PAK1: variants seen among roughly 807,000 people sequenced by gnomAD.
PAK1 encodes the protein serine/threonine-protein kinase PAK 1.
PAK1 carries 29 observed loss-of-function variants against 67.4 expected under a neutral mutation model. The ratio of observed to expected loss-of-function variants is 0.43; its 90% CI spans 0.32 to 0.59. The LOEUF (loss-of-function observed/expected upper bound fraction) is 0.59, where lower values mean the gene tolerates loss of function less well. PAK1 is among the 20% of genes least tolerant of loss of function. The probability of loss-of-function intolerance (pLI) is 0.07; values close to 1 mark genes in which losing one functional copy is unlikely to be tolerated. For synonymous variants in PAK1, 223 were observed against 237.4 expected, an observed-to-expected ratio of 0.94 and a Z score of 0.56; for missense variants, 337 against 670.7, an observed-to-expected ratio of 0.50 and a Z score of 5.50.
intron 1 of PAK1, 94 bp from the exon 2 acceptor site, chr11:77,392,635 G>A: frequency 1.0e-6 from 1 of 956,558 alleles, no homozygotes; most frequent in Non-Finnish European, 1.5e-6. Flanking sequence ...AAATTATACA[G>A]CCCTTCCTTC....
At chr11:77,501,656 C>T in the PAK1 span, among the ~76,000 whole-genome samples, 1 of 152,154 alleles carries the variant, frequency 6.6e-6, no homozygotes, top group African/African-American at 2.4e-5. Flanking sequence ...ACTCTTGCCC[C>T]CAGGGTCTCT....
intron 1 of PAK1, among the ~76,000 whole-genome samples, chr11:77,430,383 G>A (rs1254131199): frequency 6.6e-6 from 1 of 152,162 alleles, no homozygotes; most frequent in Non-Finnish European, 1.5e-5. Context: ...GCTATTCGAA[G>A]AGTCCTTGTT....
chr11:77,498,079 A>G, the PAK1 span, among the ~76,000 whole-genome samples: 1 of 152,166 alleles, frequency 6.6e-6, no homozygotes, highest in African/African-American at 2.4e-5. Context: ...GTAATGTGGT[A>G]TTCTGGAAAC....
intron 1 of PAK1, among the ~76,000 whole-genome samples, chr11:77,441,905 ATCT>A (rs978863012): frequency 1.3e-5 from 2 of 152,146 alleles, no homozygotes; most frequent in Non-Finnish European, 2.9e-5. Flanking sequence ...TAGCAAAGAA[ATCT>A]TCTTGTGTTC....
At chr11:77,356,829 T>C (rs140483881) in intron 6 of PAK1, among the ~76,000 whole-genome samples, 219 of 152,294 alleles carry the variant, frequency 1.4e-3, no homozygotes, top group African/African-American at 5.0e-3. Context: ...CAGAAAGTGA[T>C]ACATGTTATA....
chr11:77,529,009 A>G, the PAK1 span, among the ~76,000 whole-genome samples: 1 of 152,138 alleles, frequency 6.6e-6, no homozygotes, highest in Non-Finnish European at 1.5e-5. Context: ...ATCTATTGCA[A>G]AGTTTCTTAT....
At chr11:77,356,659 T>G (rs2888377) in intron 6 of PAK1, among the ~76,000 whole-genome samples, 1 of 152,068 alleles carries the variant, frequency 6.6e-6, no homozygotes, top group African/African-American at 2.4e-5. Flanking sequence ...CCAGCAGACA[T>G]TAAGCACTCA....
At chr11:77,514,169 G>A in the PAK1 span, among the ~76,000 whole-genome samples, 1 of 152,110 alleles carries the variant, frequency 6.6e-6, no homozygotes, top group Non-Finnish European at 1.5e-5. Context: ...GCCCCTTTAA[G>A]CTTCAGGACA....
Position 77,380,000 on chromosome 11 carries a change from A to G in PAK1, c.191-6T>C. 1 of 1,603,568 alleles carries G rather than the reference A, an allele frequency of 6.2e-7. No individual in the cohort carries two copies. Among genetic ancestry groups the G allele is most frequent in the Non-Finnish European group, 8.5e-7 (1 of 1,171,408 alleles). On this transcript the variant is annotated splice_polypyrimidine_tract_variant and splice_region_variant and intron_variant, in intron 2 of 14. Transcript: ENST00000356341. ...TTTCTCTTTCTTTTTATTTGCTGCAAGAGAAACAGGCAAAAGGAAATAAAA... is the reference window on the plus strand; with the variant it reads ...TTTCTCTTTCTTTTTATTTGCTGCAGGAGAAACAGGCAAAAGGAAATAAAA...
chr11:77,425,901 C>T (rs1955518752), intron 1 of PAK1, among the ~76,000 whole-genome samples: 1 of 151,986 alleles, frequency 6.6e-6, no homozygotes, highest in African/African-American at 2.4e-5. Flanking sequence ...CCCACAAGTT[C>T]AAGGCTACAG....
Position 77,392,313 on chromosome 11 carries a change from G to C in PAK1, c.190+18C>G, listed in dbSNP as rs1471278856. On this transcript the variant is annotated intron_variant, in intron 2 of 14. Coordinates refer to ENST00000356341, the MANE Select transcript of PAK1 (RefSeq NM_002576.5). Reference sequence around the variant, plus strand: ...TTTTAAAGCATATAAATGATGAGAAGAAAATCAAATACTATACTTTTATCT... The same window carrying C: ...TTTTAAAGCATATAAATGATGAGAACAAAATCAAATACTATACTTTTATCT... The C allele has an allele frequency of 6.7e-7, 1 of 1,500,264 alleles. No individual in the cohort carries two copies. The highest frequency in any genetic ancestry group is 2.1e-5 in the Admixed American group (1 of 47,756). The allele number at this position is 1,500,264 out of a possible 1,614,324, so 92.9% of individuals were successfully genotyped here.
intron 1 of PAK1, among the ~76,000 whole-genome samples, chr11:77,410,893 C>T (rs558412599): frequency 1.3e-5 from 2 of 152,182 alleles, no homozygotes; most frequent in South Asian, 4.2e-4. Flanking sequence ...ATTACCACAG[C>T]CAGGTCTGTC....
At chr11:77,381,226 C>T (rs1391073167) in intron 2 of PAK1, among the ~76,000 whole-genome samples, 1 of 150,972 alleles carries the variant, frequency 6.6e-6, no homozygotes, top group Non-Finnish European at 1.5e-5. Context: ...CTCATCTAAA[C>T]AAGGGAGAGG....
intron 1 of PAK1, among the ~76,000 whole-genome samples, chr11:77,441,237 G>C (rs906791300): frequency 1.3e-5 from 2 of 152,076 alleles, no homozygotes; most frequent in Admixed American, 1.3e-4. Context: ...AAGAAGGTGA[G>C]GAAAAGGCCT....
chr11:77,456,260 G>A (rs1048879881), intron 1 of PAK1, among the ~76,000 whole-genome samples: 5 of 151,994 alleles, frequency 3.3e-5, no homozygotes, highest in Admixed American at 6.6e-5. Context: ...GCCTTACAAC[G>A]TAGAAGGAAA....
intron 1 of PAK1, among the ~76,000 whole-genome samples, chr11:77,459,573 G>A (rs1565717874): frequency 6.6e-6 from 1 of 152,116 alleles, no homozygotes; most frequent in Non-Finnish European, 1.5e-5. Flanking sequence ...ACTCCATGGA[G>A]TTGAAAGTCT....
At chr11:77,349,413 C>T in intron 8 of PAK1, 126 bp from the exon 9 acceptor site, 1 of 733,520 alleles carries the variant, frequency 1.4e-6, no homozygotes, top group South Asian at 1.5e-5. Context: ...ATAATCCTCT[C>T]CCTGCAGCAT....
At chr11:77,438,340 T>C (rs1426312368) in intron 1 of PAK1, among the ~76,000 whole-genome samples, 1 of 152,040 alleles carries the variant, frequency 6.6e-6, no homozygotes, top group African/African-American at 2.4e-5. Context: ...GAGAAATCCA[T>C]TCCCATGATC....
At chr11:77,526,848 G>A in the PAK1 span, among the ~76,000 whole-genome samples, 1 of 151,784 alleles carries the variant, frequency 6.6e-6, no homozygotes, top group African/African-American at 2.4e-5. Flanking sequence ...CCCAGGAGGT[G>A]GAAGTTGCAG....
Sources: allele counts gnomAD v4.1 joint callset (sites outside exome capture counted in the v4.1 genomes callset), GRCh38; gene constraint gnomAD v4.1.1; transcripts MANE v1.5; gene names NCBI Gene and HGNC (gene_info 2026-07-23, HGNC 2026-07-21).